Variants in HMBOX1 observed in about 807,000 individuals in gnomAD.
HMBOX1 encodes homeobox containing 1, also known as homeobox-containing protein 1.
In HMBOX1, 14 loss-of-function variants were observed where a neutral mutation model predicts 54.5. That is an observed-to-expected ratio of 0.26 (90% CI 0.17 to 0.40). The LOEUF (loss-of-function observed/expected upper bound fraction) is 0.40, where lower values mean the gene tolerates loss of function less well. HMBOX1 is among the 10% of genes least tolerant of loss of function. The probability of loss-of-function intolerance (pLI) is 1.00; values close to 1 mark genes in which losing one functional copy is unlikely to be tolerated. For missense variants in HMBOX1, 332 were observed against 514.4 expected (o/e 0.65, Z 3.43); for synonymous variants, 160 against 181.0 (o/e 0.88, Z 0.93).
At position 29,047,465 on chromosome 8, in the gene HMBOX1, G is replaced by T; in HGVS notation, c.1030+12G>T. 7.2e-7 allele frequency: 1 copy of T among 1,388,828 alleles called. No homozygotes were observed. Among genetic ancestry groups the T allele is most frequent in the Non-Finnish European group, 1.0e-6 (1 of 975,702 alleles). 86.0% of individuals were successfully genotyped at this position (1,388,828 alleles called of 1,614,324 possible). ...GAGAGCCAATATTGGTAATGTATCA[G>T]TGAGGCTGCTTTTCTCTTGTGCAGC... On this transcript the variant is annotated intron_variant, in intron 8 of 9. Transcript: ENST00000287701.
At chr8:28,975,932 G>T (rs1247957624) in intron 3 of HMBOX1, among the ~76,000 whole-genome samples, 2 of 152,158 alleles carry the variant, frequency 1.3e-5, no homozygotes, top group East Asian at 1.9e-4. Flanking sequence ...GGAGTAGCAG[G>T]TCCTTAAAGA....
At chr8:28,993,908 C>A (rs1218100253) in intron 4 of HMBOX1, among the ~76,000 whole-genome samples, 1 of 152,130 alleles carries the variant, frequency 6.6e-6, no homozygotes, top group African/African-American at 2.4e-5. Context: ...GTGGCTCACA[C>A]CTGAAATCCC....
chr8:29,048,836 T>C (rs1805998934), intron 8 of HMBOX1, 118 bp from the exon 9 acceptor site: 1 of 710,492 alleles, frequency 1.4e-6, no homozygotes, highest in Admixed American at 2.3e-5. Flanking sequence ...TGTAGAGAAA[T>C]ACAGGTTCTT....
At chr8:28,940,891 CT>C (rs1821279754) in intron 1 of HMBOX1, among the ~76,000 whole-genome samples, 1 of 152,206 alleles carries the variant, frequency 6.6e-6, no homozygotes, top group Non-Finnish European at 1.5e-5. Context: ...GTGGAAGGCA[CT>C]GTAGTGGATA....
At chr8:28,898,315 A>G (rs1812562322) in intron 1 of HMBOX1, among the ~76,000 whole-genome samples, 1 of 152,070 alleles carries the variant, frequency 6.6e-6, no homozygotes, top group Admixed American at 6.6e-5. Context: ...GATAAATAAG[A>G]TTCATATTTA....
At chr8:28,916,023 T>C (rs1277546562) in intron 1 of HMBOX1, among the ~76,000 whole-genome samples, 1 of 152,220 alleles carries the variant, frequency 6.6e-6, no homozygotes, top group Non-Finnish European at 1.5e-5. Flanking sequence ...TAGCCAGATT[T>C]CAAAGGCCCA....
chr8:28,953,326 C>T (rs1481213494), intron 1 of HMBOX1, among the ~76,000 whole-genome samples: 1 of 152,150 alleles, frequency 6.6e-6, no homozygotes, highest in Non-Finnish European at 1.5e-5. Flanking sequence ...AGTAAGGCCT[C>T]ATTTATTGGT....
At chr8:29,021,202 T>G (rs1801094350) in intron 6 of HMBOX1, among the ~76,000 whole-genome samples, 1 of 152,036 alleles carries the variant, frequency 6.6e-6, no homozygotes, top group Non-Finnish European at 1.5e-5. Flanking sequence ...TTTAAAAAAG[T>G]AAAAAATTAT....
intron 6 of HMBOX1, among the ~76,000 whole-genome samples, chr8:29,042,336 G>C (rs969602590): frequency 4.6e-5 from 7 of 152,162 alleles, no homozygotes; most frequent in Non-Finnish European, 1.0e-4. Flanking sequence ...GCCATAAGAT[G>C]AATGAGTAAT....
chr8:28,950,426 A>G (rs1292859197), intron 1 of HMBOX1, among the ~76,000 whole-genome samples: 1 of 152,268 alleles, frequency 6.6e-6, no homozygotes, highest in Admixed American at 6.5e-5. Context: ...TTCAGTAAGA[A>G]TGGAATAGGT....
intron 5 of HMBOX1, among the ~76,000 whole-genome samples, chr8:29,010,440 C>T (rs1048961366): frequency 2.0e-5 from 3 of 151,966 alleles, no homozygotes; most frequent in African/African-American, 7.3e-5. Flanking sequence ...GCCTGTATCC[C>T]AGCTACTCGG....
At chr8:29,028,031 A>G (rs1050688845) in intron 6 of HMBOX1, among the ~76,000 whole-genome samples, 13 of 152,222 alleles carry the variant, frequency 8.5e-5, no homozygotes, top group Non-Finnish European at 1.2e-4. Flanking sequence ...CTGAAATTAT[A>G]CAGAAAATAT....
chr8:29,018,074 G>A (rs1030146064), intron 5 of HMBOX1, among the ~76,000 whole-genome samples: 1 of 152,148 alleles, frequency 6.6e-6, no homozygotes, highest in Non-Finnish European at 1.5e-5. Flanking sequence ...AGAAGAGTGG[G>A]GTAGCCAGGG....
chr8:28,927,026 G>C (rs1452524264), intron 1 of HMBOX1, among the ~76,000 whole-genome samples: 2 of 151,972 alleles, frequency 1.3e-5, no homozygotes, highest in African/African-American at 2.4e-5. Flanking sequence ...ATGGTTAATG[G>C]GTACTAAAAA....
At chr8:28,914,312 A>G (rs1456040530) in intron 1 of HMBOX1, among the ~76,000 whole-genome samples, 2 of 152,230 alleles carry the variant, frequency 1.3e-5, no homozygotes, top group Non-Finnish European at 1.5e-5. Flanking sequence ...CAAAGAGGAT[A>G]TTAGAAAACG....
chr8:28,993,026 C>T (rs1011032825), intron 4 of HMBOX1, among the ~76,000 whole-genome samples: 4 of 143,020 alleles, frequency 2.8e-5, no homozygotes, highest in Non-Finnish European at 4.5e-5. Flanking sequence ...GTCTATTGTC[C>T]TTTTATGCCA....
intron 4 of HMBOX1, among the ~76,000 whole-genome samples, chr8:28,981,166 T>C (rs1021647055): frequency 1.4e-4 from 21 of 152,210 alleles, no homozygotes; most frequent in African/African-American, 5.1e-4. Context: ...CACCAGAGTT[T>C]AGAAGTCTTA....
intron 6 of HMBOX1, among the ~76,000 whole-genome samples, chr8:29,034,675 G>T (rs1259551206): frequency 2.0e-5 from 3 of 152,180 alleles, no homozygotes; most frequent in African/African-American, 7.2e-5. Flanking sequence ...GGCCAACATG[G>T]TGAAACCCTG....
intron 1 of HMBOX1, among the ~76,000 whole-genome samples, chr8:28,963,425 G>A (rs998200580): frequency 6.6e-6 from 1 of 152,206 alleles, no homozygotes; most frequent in South Asian, 2.1e-4. Context: ...CTTTGGCCAT[G>A]CTTAATATAA....
Sources: allele counts gnomAD v4.1 joint callset (sites outside exome capture counted in the v4.1 genomes callset), GRCh38; gene constraint gnomAD v4.1.1; transcripts MANE v1.5; gene names NCBI Gene and HGNC (gene_info 2026-07-23, HGNC 2026-07-21).